The following AGBL1 variants were observed in gnomAD, a reference collection of about 807,000 sequenced individuals.
The protein encoded by AGBL1 is cytosolic carboxypeptidase 4.
AGBL1 carries 130 observed loss-of-function variants against 118.9 expected under a neutral mutation model. That is an observed-to-expected ratio of 1.09 (90% CI 0.95 to 1.26). AGBL1 has a LOEUF of 1.26. Among genes scored for constraint, AGBL1 ranks in the 50% most tolerant of loss-of-function variants. AGBL1 has a pLI of 0.00. For synonymous variants in AGBL1, 555 were observed against 478.9 expected (o/e 1.16, Z -2.08); for missense variants, 1,584 against 1,298.1 (o/e 1.22, Z -3.38).
chr15:86,911,351 T>C lies in AGBL1; in HGVS notation c.*4057T>C, dbSNP rs1159473019. Reference sequence around the variant, plus strand: ...CTTTAAGATAGTCCCATTGTTAGAATAGAAGCCCAAGACTTGCCACCCACG... The same window carrying C: ...CTTTAAGATAGTCCCATTGTTAGAACAGAAGCCCAAGACTTGCCACCCACG... On this transcript the variant is annotated 3_prime_UTR_variant, in exon 23 of 23. Transcript: ENST00000614907. 2.0e-5 allele frequency: 3 copies of C among 152,156 alleles called. No individual in the cohort carries two copies. The highest frequency in any genetic ancestry group is 6.5e-5 in the Admixed American group (1 of 15,272). The allele number at this position is 152,156 out of a possible 1,614,324, so 9.4% of individuals were successfully genotyped here.
At chr15:86,905,129 G>A (rs909062986) in intron 22 of AGBL1, among the ~76,000 whole-genome samples, 1 of 152,164 alleles carries the variant, frequency 6.6e-6, no homozygotes, top group Non-Finnish European at 1.5e-5. Flanking sequence ...GTTGGCAGAC[G>A]GTTTTAGGAA....
At chr15:86,526,544 G>GTGTGTATATATATATATATATA (rs754816154) in intron 19 of AGBL1, among the ~76,000 whole-genome samples, 6 of 119,450 alleles carry the variant, frequency 5.0e-5, no homozygotes, top group East Asian at 2.6e-4. Flanking sequence ...TTGTGTCTGT[G>GTGTGTATATATATATATATATA]TATATATATA....
At chr15:86,566,173 C>A (rs2083910631) in intron 21 of AGBL1, among the ~76,000 whole-genome samples, 2 of 152,172 alleles carry the variant, frequency 1.3e-5, no homozygotes, top group African/African-American at 4.8e-5. Flanking sequence ...TGAGATGAAC[C>A]CGGTACCTCA....
At chr15:86,652,661 A>C (rs1407860426) in intron 21 of AGBL1, among the ~76,000 whole-genome samples, 8 of 152,128 alleles carry the variant, frequency 5.3e-5, no homozygotes, top group African/African-American at 1.7e-4. Context: ...CTGGAACCCT[A>C]TTCTGAGACT....
At chr15:86,722,699 C>T (rs1268032159) in intron 22 of AGBL1, among the ~76,000 whole-genome samples, 1 of 152,170 alleles carries the variant, frequency 6.6e-6, no homozygotes, top group Admixed American at 6.5e-5. Context: ...ACAAAAGAAA[C>T]TATCATCAGA....
At chr15:86,659,499 T>C (rs566181743) in intron 21 of AGBL1, among the ~76,000 whole-genome samples, 13 of 152,278 alleles carry the variant, frequency 8.5e-5, no homozygotes, top group Admixed American at 3.9e-4. Flanking sequence ...CTTCTGTCTA[T>C]AGCAACTGTT....
In AGBL1 at chr15:86,207,721, A is replaced by G. The variant is rs577427004; in HGVS notation, c.489-17193A>G. Among the ~76,000 whole-genome samples, 520 of 152,322 alleles carry G rather than the reference A, an allele frequency of 3.4e-3. 1 individual carries two copies. The highest frequency in any genetic ancestry group is 0.012 in the African/African-American group (497 of 41,562). The stretch of plus-strand genomic sequence containing the variant: ...CTTAAAGATATTTTGGGCTGAGACA[A>G]TGGGGTTTTCTAAATATACAATTGT... On this transcript the variant is annotated intron_variant, in intron 5 of 22. Transcript: ENST00000614907.
chr15:86,735,595 A>G (rs1187680793), intron 22 of AGBL1, among the ~76,000 whole-genome samples: 3 of 127,148 alleles, frequency 2.4e-5, no homozygotes, highest in African/African-American at 9.4e-5. Context: ...TGATATAGAG[A>G]TACAGACTGT....
At chr15:86,224,984 C>G (rs553193404) in intron 6 of AGBL1, 33 bp downstream of exon 6, 1 of 1,609,514 alleles carries the variant, frequency 6.2e-7, no homozygotes, top group South Asian at 1.1e-5. Context: ...GGCTATTTCT[C>G]TCCACTCTGG....
chr15:86,261,954 C>A (rs931019282), intron 9 of AGBL1, among the ~76,000 whole-genome samples: 9 of 152,210 alleles, frequency 5.9e-5, no homozygotes, highest in African/African-American at 2.2e-4. Context: ...CTCCCGCCTA[C>A]TTCTCAAATC....
intron 24 of AGBL1, among the ~76,000 whole-genome samples, chr15:86,995,941 C>T (rs530647551): frequency 2.0e-5 from 3 of 152,170 alleles, no homozygotes; most frequent in East Asian, 1.9e-4. Flanking sequence ...TGAAATTATT[C>T]GAAACACTAA....
intron 18 of AGBL1, among the ~76,000 whole-genome samples, chr15:86,476,125 C>T (rs1292050029): frequency 4.6e-5 from 7 of 152,196 alleles, no homozygotes; most frequent in Non-Finnish European, 7.3e-5. Context: ...ACTGCAAAAA[C>T]GTGCTAAATT....
intron 22 of AGBL1, among the ~76,000 whole-genome samples, chr15:86,825,736 GGAAA>G (rs1230805276): frequency 2.0e-5 from 3 of 146,834 alleles, no homozygotes; most frequent in African/African-American, 4.9e-5. Flanking sequence ...AGGGAGGTAG[GGAAA>G]GAAAGAAAGA....
Position 86,467,062 on chromosome 15 carries a change from C to G in AGBL1, c.2556-55748C>G, listed in dbSNP as rs1438259228. Among the ~76,000 whole-genome samples, 6 of 152,220 alleles carry G rather than the reference C, an allele frequency of 3.9e-5. No homozygotes were observed. The East Asian group carries it at 9.6e-4, about 24-fold the overall frequency. ...GCAGGAACATTTAATTCTGCTGAAG[C>G]TGCTCCCAGAGCCACCCTTTCCCTC... On this transcript the variant is annotated intron_variant, in intron 18 of 22. Transcript: ENST00000614907.
At chr15:86,421,186 G>A (rs895427237) in intron 18 of AGBL1, among the ~76,000 whole-genome samples, 16 of 152,040 alleles carry the variant, frequency 1.1e-4, no homozygotes, top group African/African-American at 3.1e-4. Flanking sequence ...CTGAAATGAA[G>A]GAAAAAATGT....
At chr15:86,325,491 T>C (rs1428424733) in intron 17 of AGBL1, among the ~76,000 whole-genome samples, 1 of 152,158 alleles carries the variant, frequency 6.6e-6, no homozygotes, top group Non-Finnish European at 1.5e-5. Context: ...GAATTAGAGA[T>C]GAATGCAGGT....
At chr15:86,269,723 G>C (rs543891090) in intron 13 of AGBL1, among the ~76,000 whole-genome samples, 196 bp from the exon 14 acceptor site, 3 of 152,246 alleles carry the variant, frequency 2.0e-5, no homozygotes, top group South Asian at 4.1e-4. Context: ...ATACTAGGAA[G>C]CCCCCTCACC....
At chr15:86,983,022 T>G (rs2081246937) in intron 23 of AGBL1, among the ~76,000 whole-genome samples, 3 of 152,178 alleles carry the variant, frequency 2.0e-5, no homozygotes. Flanking sequence ...AAATTTAAAT[T>G]TCCATTTTTC....
At chr15:86,624,565 A>C (rs1226658982) in intron 21 of AGBL1, among the ~76,000 whole-genome samples, 1 of 152,242 alleles carries the variant, frequency 6.6e-6, no homozygotes, top group Non-Finnish European at 1.5e-5. Context: ...ATTAAGGCCC[A>C]AAAGGCTGCA....
Sources: allele counts gnomAD v4.1 joint callset (sites outside exome capture counted in the v4.1 genomes callset), GRCh38; gene constraint gnomAD v4.1.1; transcripts MANE v1.5; gene names NCBI Gene and HGNC (gene_info 2026-07-23, HGNC 2026-07-21).